The following ASAP1 variants were observed in gnomAD, a reference collection of about 807,000 sequenced individuals.
ASAP1 encodes arf-GAP with SH3 domain, ANK repeat and PH domain-containing protein 1.
In ASAP1, 43 loss-of-function variants were observed where a neutral mutation model predicts 145.2. The observed-to-expected ratio is 0.30, with a 90% CI of 0.23 to 0.38. The LOEUF (loss-of-function observed/expected upper bound fraction) is 0.38, where lower values mean the gene tolerates loss of function less well. Among genes scored for constraint, ASAP1 ranks in the 10% least tolerant of loss-of-function variants. The pLI is 1.00. For synonymous variants in ASAP1, 546 were observed against 515.5 expected, an observed-to-expected ratio of 1.06 and a Z score of -0.80; for missense variants, 1,018 against 1,355.3, an observed-to-expected ratio of 0.75 and a Z score of 3.91.
In ASAP1 at chr8:130,205,591, C is replaced by CTTTT. The variant is rs10679649; in HGVS notation, c.405+8961_405+8964dup. ...GCATATATATATATAAAATACACGG[C>CTTTT]TTTTTTTTTTTTTTTTTTAGCTTAA... is the stretch of plus-strand genomic sequence containing the variant. On this transcript the variant is annotated intron_variant, in intron 5 of 29. Transcript: ENST00000518721. 4.1e-3 allele frequency among the ~76,000 whole-genome samples: 484 copies of CTTTT among 119,204 alleles called. 11 individuals carry two copies. The highest frequency in any genetic ancestry group is 7.5e-3 in the South Asian group (27 of 3,584). 78.2% of individuals were successfully genotyped at this position (119,204 alleles called of 152,430 possible).
chr8:130,088,153 G>C (rs1357013479), intron 25 of ASAP1, among the ~76,000 whole-genome samples: 1 of 151,890 alleles, frequency 6.6e-6, no homozygotes, highest in Non-Finnish European at 1.5e-5. Context: ...TTTTTGAGAA[G>C]GAGTTTCGCT....
At chr8:130,374,754 G>C (rs946192109) in intron 2 of ASAP1, among the ~76,000 whole-genome samples, 3 of 152,208 alleles carry the variant, frequency 2.0e-5, no homozygotes, top group African/African-American at 7.2e-5. Flanking sequence ...GCTTCCACAG[G>C]AGGTGCCCAA....
rs1211774626 is a variant in ASAP1 at position 130,358,304 on chromosome 8, G to C, written c.60-161C>G. Among the ~76,000 whole-genome samples, 1 of 149,932 alleles carries C rather than the reference G, an allele frequency of 6.7e-6. No individual in the cohort carries two copies. The highest frequency in any genetic ancestry group is 6.6e-5 in the Admixed American group (1 of 15,086). ...CCGTCCCCGGCAGCGGCGAGAGGGAGGGAAGGAGGCGGGCGAAGGCAGGCG... is the reference window on the plus strand; with the variant it reads ...CCGTCCCCGGCAGCGGCGAGAGGGACGGAAGGAGGCGGGCGAAGGCAGGCG... On this transcript the variant is annotated intron_variant, in intron 2 of 29. Coordinates refer to ENST00000518721, the MANE Select transcript of ASAP1 (RefSeq NM_018482.4). This position sits in a 1 kb window ranked among gnomAD's most constrained non-coding sequence, Gnocchi z 4.1.
chr8:130,164,338 A>G (rs2097675665), intron 11 of ASAP1, among the ~76,000 whole-genome samples: 1 of 152,184 alleles, frequency 6.6e-6, no homozygotes, highest in Non-Finnish European at 1.5e-5. Context: ...TAATCCCAGC[A>G]CTTTGGGAGG....
At chr8:130,284,155 T>C (rs1016043982) in intron 3 of ASAP1, among the ~76,000 whole-genome samples, 1 of 152,164 alleles carries the variant, frequency 6.6e-6, no homozygotes, top group South Asian at 2.1e-4. Context: ...CAACCGAATG[T>C]GTAGGGCGTC....
At chr8:130,212,163 G>A (rs539854234) in intron 5 of ASAP1, among the ~76,000 whole-genome samples, 1 of 152,262 alleles carries the variant, frequency 6.6e-6, no homozygotes, top group Non-Finnish European at 1.5e-5. Flanking sequence ...AAACTCCTGG[G>A]ACTGCCTTTT....
At position 130,358,161 on chromosome 8, in the gene ASAP1, A is replaced by T. The variant is rs1465005625; in HGVS notation, c.60-18T>A. 1 of 1,592,678 alleles carries T rather than the reference A, an allele frequency of 6.3e-7. No homozygotes were observed. Among genetic ancestry groups the T allele is most frequent in the Non-Finnish European group, 8.5e-7 (1 of 1,171,370 alleles). On this transcript the variant is annotated intron_variant, in intron 2 of 29. Transcript: ENST00000518721. This position sits in a 1 kb window ranked among gnomAD's most constrained non-coding sequence, Gnocchi z 4.1. ...CCGGCATCCTGCCGGGAGGGACGAG[A>T]CACAAGCGGGGGCGGGGGGTGAGTC...
At chr8:130,311,126 T>C (rs760261996) in intron 3 of ASAP1, among the ~76,000 whole-genome samples, 19 of 152,214 alleles carry the variant, frequency 1.2e-4, no homozygotes, top group Non-Finnish European at 2.5e-4. Context: ...ATTGCAGGCC[T>C]GGAAAATGAA....
intron 2 of ASAP1, among the ~76,000 whole-genome samples, chr8:130,370,729 A>AT (rs1827173908): frequency 6.6e-6 from 1 of 152,376 alleles, no homozygotes; most frequent in South Asian, 2.1e-4. Context: ...ATAAAGAGTA[A>AT]TAAAGTACTG....
chr8:130,122,683 C>T (rs1245034436), intron 18 of ASAP1, among the ~76,000 whole-genome samples: 1 of 152,196 alleles, frequency 6.6e-6, no homozygotes, highest in Non-Finnish European at 1.5e-5. Context: ...GATATGAACT[C>T]CAGCAGTCTG....
At chr8:130,423,421 A>G (rs769973647) in intron 1 of ASAP1, among the ~76,000 whole-genome samples, 56 of 152,222 alleles carry the variant, frequency 3.7e-4, no homozygotes, top group Admixed American at 1.0e-3. Flanking sequence ...GCTTGGTAAT[A>G]TGTACAACAC....
chr8:130,083,900 C>G (rs1456434935), intron 25 of ASAP1: 5 of 152,256 alleles, frequency 3.3e-5, no homozygotes, highest in African/African-American at 1.2e-4. Context: ...TTCACTGATT[C>G]TCCTGCCTCA....
At chr8:130,284,684 A>G (rs894054437) in intron 3 of ASAP1, among the ~76,000 whole-genome samples, 2 of 152,076 alleles carry the variant, frequency 1.3e-5, no homozygotes, top group African/African-American at 4.8e-5. Context: ...AGGGAGGGGT[A>G]ATTTAGCAAT....
intron 2 of ASAP1, among the ~76,000 whole-genome samples, chr8:130,389,641 C>T (rs1175162612): frequency 6.6e-6 from 1 of 152,176 alleles, no homozygotes; most frequent in African/African-American, 2.4e-5. Context: ...GCCAGAACTA[C>T]CTAAGCTGGA....
At chr8:130,325,906 A>G (rs760011532) in intron 3 of ASAP1, among the ~76,000 whole-genome samples, 14 of 152,222 alleles carry the variant, frequency 9.2e-5, no homozygotes, top group East Asian at 3.8e-4. Flanking sequence ...AATATGCCAG[A>G]AACGGTGGTA....
At chr8:130,297,649 C>A (rs549063634) in intron 3 of ASAP1, among the ~76,000 whole-genome samples, 270 of 152,330 alleles carry the variant, frequency 1.8e-3, no homozygotes, top group Non-Finnish European at 3.1e-3. Flanking sequence ...CTGCTCCCTG[C>A]CACTCACCAA....
At chr8:130,351,355 A>T (rs1401930561) in intron 3 of ASAP1, among the ~76,000 whole-genome samples, 2 of 152,240 alleles carry the variant, frequency 1.3e-5, no homozygotes, top group Non-Finnish European at 2.9e-5. Context: ...ATGTATTCAT[A>T]TGTAAAGCAA....
At chr8:130,338,681 T>C (rs890767376) in intron 3 of ASAP1, among the ~76,000 whole-genome samples, 1 of 152,190 alleles carries the variant, frequency 6.6e-6, no homozygotes, top group Admixed American at 6.5e-5. Flanking sequence ...TCCGGTTCCA[T>C]CACCTTCAAA....
At chr8:130,373,109 T>TACACACACACACAC (rs147535116) in intron 2 of ASAP1, among the ~76,000 whole-genome samples, 3 of 127,618 alleles carry the variant, frequency 2.4e-5, no homozygotes, top group Admixed American at 8.0e-5. Context: ...CAGAAATACA[T>TACACACACACACAC]ATACACACAC....
Sources: gnomAD v4.1 joint callset for allele counts (sites outside exome capture counted in the v4.1 genomes callset) on GRCh38, gnomAD v4.1.1 for gene constraint, Gnocchi (gnomAD v3.1) non-coding constraint, MANE v1.5 for transcripts, NCBI Gene and HGNC (gene_info 2026-07-23, HGNC 2026-07-21) for gene names.